ITGA4: variants seen among roughly 807,000 people sequenced by gnomAD.
The protein encoded by ITGA4 is integrin subunit alpha 4, also known as integrin alpha-4.
Under a neutral mutation model 133.6 loss-of-function variants are expected in ITGA4, and 63 were observed. The ratio of observed to expected loss-of-function variants is 0.47; its 90% CI spans 0.38 to 0.58. The LOEUF is 0.58. Ranked by LOEUF, ITGA4 falls within the 20% of genes least tolerant of loss-of-function variation. The pLI, the probability that ITGA4 is intolerant of heterozygous loss-of-function variation, is 0.00. For missense variants in ITGA4, 1,076 were observed against 1,252.7 expected, an observed-to-expected ratio of 0.86 and a Z score of 2.13; for synonymous variants, 483 against 438.0, an observed-to-expected ratio of 1.10 and a Z score of -1.28.
In ITGA4 at chr2:181,527,380, C is replaced by G; in HGVS notation, c.2423C>G (p.Thr808Ser). 1 of 1,600,032 alleles carries G rather than the reference C, an allele frequency of 6.2e-7. No homozygotes were observed. Among genetic ancestry groups the G allele is most frequent in the Non-Finnish European group, 8.6e-7 (1 of 1,167,416 alleles). ...TGCATGGTGGAGAAAATGAACTTAA[C>G]TTTCCATGTAAGAAAAGTTAATTGT... ...ETCMVEKMNL[T>S]FHVINTGNSM... Residue 808 changes from threonine to serine, a missense_variant, in exon 22 of 28, where the codon ACT (threonine) becomes AGT (serine). Coordinates refer to ENST00000397033, the MANE Select transcript of ITGA4 (RefSeq NM_000885.6).
Position 181,480,232 on chromosome 2 carries a change from C to T in ITGA4, c.720C>T (p.Asp240=). The T allele has an allele frequency of 6.8e-7, 1 of 1,469,532 alleles. No homozygotes were observed. Among genetic ancestry groups the T allele is most frequent in the Non-Finnish European group, 9.1e-7 (1 of 1,097,498 alleles). 91.0% of individuals were successfully genotyped at this position (1,469,532 alleles called of 1,614,324 possible). ...CAAATAAATACAAGGCTTTTTTAGA[C>T]AAACAAAATCAAGTAAAATTTGGAA... ...ITTNKYKAFL[D]KQNQVKFGSY... is the part of the protein sequence containing the mutation. Residue 240 remains aspartate (D), a synonymous_variant, in exon 6 of 28, where the codon GAC becomes GAT. Coordinates refer to ENST00000397033, the MANE Select transcript of ITGA4 (RefSeq NM_000885.6).
At position 181,530,588 on chromosome 2, in the gene ITGA4, G is replaced by A. The variant is rs1251246383; in HGVS notation, c.2603G>A (p.Ser868Asn). Residue 868 changes from serine to asparagine, a missense_variant, in exon 24 of 28, where the codon AGT becomes AAT. Transcript: ENST00000397033. ...QRVCALEQQKSAMQTLKGIVR... is the reference protein window; with the variant it reads ...QRVCALEQQKNAMQTLKGIVR... ...GTGTGTGCATTAGAGCAGCAAAAGA[G>A]TGCAATGCAGACCTTGAAAGGCATA... The A allele has an allele frequency of 6.2e-7, 1 of 1,612,350 alleles. No homozygotes were observed. Among genetic ancestry groups the A allele is most frequent in the South Asian group, 1.1e-5 (1 of 91,026 alleles).
rs1686209027 is a variant in ITGA4, at chr2:181,498,754, A to G, written c.1672A>G (p.Arg558Gly). ...IQVSSREANC[R>G]THQAFMRKDV... ...GGTGTCCAGCAGAGAAGCTAACTGT[A>G]GAACACATCAAGCATTTATGCGGGT... is the stretch of plus-strand genomic sequence containing the variant. Residue 558 changes from arginine (R) to glycine (G), a missense_variant, in exon 15 of 28, where the codon AGA becomes GGA. Coordinates refer to ENST00000397033, the MANE Select transcript of ITGA4 (RefSeq NM_000885.6). 2 of 1,608,370 alleles carry G rather than the reference A, an allele frequency of 1.2e-6. No homozygotes were observed. The highest frequency in any genetic ancestry group is 1.7e-6 in the Non-Finnish European group (2 of 1,177,484).
intron 2 of ITGA4, among the ~76,000 whole-genome samples, chr2:181,470,627 T>C (rs1489739190): frequency 6.6e-6 from 1 of 152,060 alleles, no homozygotes; most frequent in African/African-American, 2.4e-5. Flanking sequence ...TCACACAGGT[T>C]AAGGGAGAAA....
intron 4 of ITGA4, among the ~76,000 whole-genome samples, chr2:181,475,588 T>C (rs1685657137): frequency 6.6e-6 from 1 of 152,164 alleles, no homozygotes; most frequent in South Asian, 2.1e-4. Context: ...ACCCAGCAAA[T>C]ATAGGACATT....
In ITGA4 at chr2:181,495,620, A is replaced by G. The variant is rs2105745431; in HGVS notation, c.1386-163A>G. On this transcript the variant is annotated intron_variant, in intron 13 of 27. Transcript: ENST00000397033. This position sits in a 1 kb window ranked among gnomAD's most constrained non-coding sequence, Gnocchi z 4.3. The stretch of plus-strand genomic sequence containing the variant: ...AGTCAATATTTTTAGACATTTAAAT[A>G]AAAAGTTATTTTGCCCTGTGCACAG... Among the ~76,000 whole-genome samples, 1 of 152,338 alleles carries G rather than the reference A, an allele frequency of 6.6e-6. No homozygotes were observed. The highest frequency in any genetic ancestry group is 6.5e-5 in the Admixed American group (1 of 15,286).
chr2:181,534,509 G>C, intron 26 of ITGA4, 139 bp downstream of exon 26: 1 of 654,300 alleles, frequency 1.5e-6, no homozygotes, highest in Non-Finnish European at 2.7e-6. Context: ...ATACTTGGTT[G>C]AGAGTTGGCA....
chr2:181,477,345 A>G (rs1229291793), intron 4 of ITGA4, among the ~76,000 whole-genome samples: 1 of 152,132 alleles, frequency 6.6e-6, no homozygotes, highest in South Asian at 2.1e-4. Context: ...CTCAAACAAC[A>G]AAAGCAAAAA....
At chr2:181,496,940 TAGGTACACAATGAGCCTGTACCTGAA>T (rs757685317) in intron 14 of ITGA4, among the ~76,000 whole-genome samples, 5 of 152,162 alleles carry the variant, frequency 3.3e-5, no homozygotes, top group African/African-American at 9.7e-5. Context: ...TAGTATGCAT[TAGGTACACAATGAGCCTGTACCTGAA>T]AGGTACACAA....
At chr2:181,524,569 A>T (rs1379277932) in intron 20 of ITGA4, among the ~76,000 whole-genome samples, 1 of 152,208 alleles carries the variant, frequency 6.6e-6, no homozygotes, top group Non-Finnish European at 1.5e-5. Flanking sequence ...GAGGGTAATG[A>T]CTTCCATAGA....
chr2:181,519,819 G>A (rs114865073), intron 17 of ITGA4, among the ~76,000 whole-genome samples: 201 of 152,230 alleles, frequency 1.3e-3, no homozygotes, highest in Non-Finnish European at 2.0e-3. Context: ...AGGCTATAAC[G>A]TGACAGTATT....
chr2:181,486,186 A>G (rs573964663), intron 10 of ITGA4, 194 bp downstream of exon 10: 146 of 549,962 alleles, frequency 2.7e-4, no homozygotes, highest in South Asian at 2.1e-3. Flanking sequence ...ACCACTGTTA[A>G]TAATGGATGA....
At chr2:181,486,110 T>A in intron 10 of ITGA4, 118 bp downstream of exon 10, 1 of 1,356,074 alleles carries the variant, frequency 7.4e-7, no homozygotes, top group Non-Finnish European at 9.7e-7. Flanking sequence ...CAGAATGGCA[T>A]GCTAAGTTTT....
In ITGA4 at chr2:181,511,684, T is replaced by C. The variant is rs752097071; in HGVS notation, c.1846-15T>C. 2 of 1,429,090 alleles carry C rather than the reference T, an allele frequency of 1.4e-6. No individual in the cohort carries two copies. The highest frequency in any genetic ancestry group is 4.6e-5 in the East Asian group (2 of 43,868). The allele number at this position is 1,429,090 out of a possible 1,614,324, so 88.5% of individuals were successfully genotyped here. A position where few individuals can be genotyped will look rare whatever the true frequency, so the allele number is the denominator to read the frequency against. On this transcript the variant is annotated splice_polypyrimidine_tract_variant and intron_variant, in intron 16 of 27. Transcript: ENST00000397033. ...GATTAAATCAAAATAAAAAACGTTG[T>C]CTTTTTATTTCCAGATAAACTTTGC...
At chr2:181,531,937 C>T (rs897615263) in intron 25 of ITGA4, among the ~76,000 whole-genome samples, 161 bp downstream of exon 25, 12 of 152,204 alleles carry the variant, frequency 7.9e-5, no homozygotes, top group African/African-American at 2.9e-4. Flanking sequence ...CTTCAACTAT[C>T]TACATTGACT....
intron 2 of ITGA4, among the ~76,000 whole-genome samples, chr2:181,467,092 C>A (rs909725995): frequency 1.3e-5 from 2 of 151,962 alleles, no homozygotes; most frequent in Middle Eastern, 3.2e-3. Flanking sequence ...TAAAAAATAT[C>A]TTGAATGAAT....
At chr2:181,502,612 T>G (rs908201532) in intron 15 of ITGA4, among the ~76,000 whole-genome samples, 4 of 152,086 alleles carry the variant, frequency 2.6e-5, no homozygotes, top group Non-Finnish European at 5.9e-5. Flanking sequence ...TCTTGTCTGA[T>G]TGCTTTAATA....
In ITGA4 at chr2:181,457,617, G is replaced by A; in HGVS notation, c.-38G>A. The A allele has an allele frequency of 6.3e-7, 1 of 1,583,002 alleles. No homozygotes were observed. The highest frequency in any genetic ancestry group is 8.6e-7 in the Non-Finnish European group (1 of 1,164,994). On this transcript the variant is annotated 5_prime_UTR_variant, in exon 1 of 28. It adds an upstream start codon to the 5' untranslated region. Coordinates refer to ENST00000397033, the MANE Select transcript of ITGA4 (RefSeq NM_000885.6). Reference sequence around the variant, plus strand: ...TCGCATCCCGTGCAACTTTGGGGTAGTGGCCGTTTAGTGTTGAATGTTCCC... The same window carrying A: ...TCGCATCCCGTGCAACTTTGGGGTAATGGCCGTTTAGTGTTGAATGTTCCC...
Position 181,478,957 on chromosome 2 carries a change from T to A in ITGA4, c.624+133T>A, listed in dbSNP as rs528717019. On this transcript the variant is annotated intron_variant, in intron 5 of 27. Coordinates refer to ENST00000397033, the MANE Select transcript of ITGA4 (RefSeq NM_000885.6). Reference sequence around the variant, plus strand: ...CATCATGTCTCTTAAACTTGAGTATTACAACTTAATTTTTGCCACTCAAAA... The same window carrying A: ...CATCATGTCTCTTAAACTTGAGTATAACAACTTAATTTTTGCCACTCAAAA... The A allele has an allele frequency of 1.4e-5, 6 of 442,586 alleles. No homozygotes were observed. In the South Asian group the frequency reaches 5.1e-4, roughly 38 times the overall value. The allele number at this position is 442,586 out of a possible 1,614,324, so 27.4% of individuals were successfully genotyped here. A position where few individuals can be genotyped will look rare whatever the true frequency, so the allele number is the denominator to read the frequency against.
Sources: allele counts gnomAD v4.1 joint callset (sites outside exome capture counted in the v4.1 genomes callset), GRCh38; gene constraint gnomAD v4.1.1; non-coding constraint Gnocchi (gnomAD v3.1); transcripts MANE v1.5; gene names NCBI Gene and HGNC (gene_info 2026-07-23, HGNC 2026-07-21).